KCNAB1: variants seen among roughly 807,000 people sequenced by gnomAD.
KCNAB1 encodes potassium voltage-gated channel subfamily A regulatory beta subunit 1.
In KCNAB1, 35 loss-of-function variants were observed where a neutral mutation model predicts 64.6. The observed-to-expected ratio is 0.54, with a 90% CI of 0.41 to 0.72. KCNAB1 has a LOEUF of 0.72. Ranked by LOEUF, KCNAB1 falls within the 30% of genes least tolerant of loss-of-function variation. The pLI, the probability that KCNAB1 is intolerant of heterozygous loss-of-function variation, is 0.00. For missense variants in KCNAB1, 401 were observed against 512.9 expected (o/e 0.78, Z 2.11); for synonymous variants, 177 against 183.8 (o/e 0.96, Z 0.30).
At chr3:156,384,176 T>C (rs1712391609) in intron 1 of KCNAB1, among the ~76,000 whole-genome samples, 1 of 152,222 alleles carries the variant, frequency 6.6e-6, no homozygotes, top group African/African-American at 2.4e-5. Context: ...AAATGGATAA[T>C]GGACAACTGA....
At chr3:156,463,400 G>C (rs929758068) in intron 5 of KCNAB1, among the ~76,000 whole-genome samples, 5 of 152,032 alleles carry the variant, frequency 3.3e-5, no homozygotes, top group Non-Finnish European at 7.4e-5. Context: ...CCTTTACTTT[G>C]CTATGTCGAC....
chr3:156,381,723 G>C (rs1187858963), intron 1 of KCNAB1, among the ~76,000 whole-genome samples: 1 of 152,188 alleles, frequency 6.6e-6, no homozygotes, highest in Non-Finnish European at 1.5e-5. Context: ...GAAACACAGG[G>C]AAGTGGTTCT....
intron 1 of KCNAB1, among the ~76,000 whole-genome samples, chr3:156,342,587 TTTTTTTTTTTTTTTTTTTTTAA>T (rs1724201258): frequency 2.4e-5 from 2 of 85,046 alleles, no homozygotes; most frequent in South Asian, 8.3e-4. Flanking sequence ...ATGTGTTTCT[TTTTTTTTTTTTTTTTTTTTTAA>T]TTTTTTTTTT....
chr3:156,375,287 T>C (rs1711576991), intron 1 of KCNAB1, among the ~76,000 whole-genome samples: 2 of 135,072 alleles, frequency 1.5e-5, no homozygotes, highest in South Asian at 4.4e-4. Flanking sequence ...CAGTCCTTCT[T>C]TGTAGAGTTT....
chr3:156,326,421 G>A (rs930418640), intron 1 of KCNAB1, among the ~76,000 whole-genome samples: 2 of 152,114 alleles, frequency 1.3e-5, no homozygotes, highest in African/African-American at 4.8e-5. Context: ...CAGGCCTGTA[G>A]GGAGGTGCCC....
intron 1 of KCNAB1, among the ~76,000 whole-genome samples, chr3:156,152,738 G>A (rs1715487730): frequency 1.3e-5 from 2 of 152,176 alleles, no homozygotes; most frequent in African/African-American, 4.8e-5. Context: ...CCTGCTTTTG[G>A]AATTTTACGG....
chr3:156,296,171 T>G (rs927917770), intron 1 of KCNAB1, among the ~76,000 whole-genome samples: 1 of 152,238 alleles, frequency 6.6e-6, no homozygotes, highest in African/African-American at 2.4e-5. Flanking sequence ...GGTATATACA[T>G]GAATCTTTCA....
At chr3:156,293,218 T>C (rs1413289624) in intron 1 of KCNAB1, among the ~76,000 whole-genome samples, 4 of 152,250 alleles carry the variant, frequency 2.6e-5, no homozygotes, top group Non-Finnish European at 4.4e-5. Context: ...TCTGACTTTA[T>C]TTCTTTAAAA....
chr3:156,495,494 G>T (rs1006984178), intron 8 of KCNAB1, among the ~76,000 whole-genome samples: 2 of 152,160 alleles, frequency 1.3e-5, no homozygotes, highest in East Asian at 3.9e-4. Context: ...ACCCACCAGT[G>T]ATAGACTTGA....
At chr3:156,352,369 C>T (rs1479519097) in intron 1 of KCNAB1, among the ~76,000 whole-genome samples, 3 of 152,234 alleles carry the variant, frequency 2.0e-5, no homozygotes, top group Non-Finnish European at 2.9e-5. Flanking sequence ...TTCCCATCAA[C>T]TCTGAAGGTG....
chr3:156,417,724 A>AG (rs922721550), intron 1 of KCNAB1, among the ~76,000 whole-genome samples: 1 of 152,138 alleles, frequency 6.6e-6, no homozygotes, highest in African/African-American at 2.4e-5. Flanking sequence ...TAAAAGAAAA[A>AG]AAAAAAAAGC....
chr3:156,309,015 T>C (rs1721700772), intron 1 of KCNAB1, among the ~76,000 whole-genome samples: 1 of 152,216 alleles, frequency 6.6e-6, no homozygotes, highest in African/African-American at 2.4e-5. Context: ...GGTCCATTAC[T>C]TATTTTTCTG....
intron 1 of KCNAB1, among the ~76,000 whole-genome samples, chr3:156,222,310 C>A (rs556385140): frequency 1.3e-5 from 2 of 152,200 alleles, no homozygotes; most frequent in South Asian, 4.1e-4. Context: ...AACTTTAAAG[C>A]AACATCAGTT....
At chr3:156,273,019 C>T (rs903073270) in intron 1 of KCNAB1, among the ~76,000 whole-genome samples, 36 of 151,928 alleles carry the variant, frequency 2.4e-4, no homozygotes, top group African/African-American at 7.3e-4. Flanking sequence ...AGCTAGGTCC[C>T]GGAAAGGGGG....
chr3:156,314,089 A>G (rs1360300053), intron 1 of KCNAB1, among the ~76,000 whole-genome samples: 1 of 152,240 alleles, frequency 6.6e-6, no homozygotes, highest in Non-Finnish European at 1.5e-5. Context: ...CTTATCTGCC[A>G]ATTCATTAGT....
intron 8 of KCNAB1, among the ~76,000 whole-genome samples, chr3:156,493,349 CTT>C (rs1012239260): frequency 6.6e-6 from 1 of 152,048 alleles, no homozygotes; most frequent in African/African-American, 2.4e-5. Flanking sequence ...TTACAGCATC[CTT>C]TTTCTTTTTT....
intron 1 of KCNAB1, among the ~76,000 whole-genome samples, chr3:156,279,163 G>A (rs531945992): frequency 3.6e-5 from 5 of 138,598 alleles, no homozygotes; most frequent in Non-Finnish European, 7.6e-5. Context: ...TCCCCTTCCT[G>A]TGTCCATGTG....
At position 156,474,717 on chromosome 3, in the gene KCNAB1, C is replaced by A; in HGVS notation, c.572-17C>A. On this transcript the variant is annotated splice_polypyrimidine_tract_variant and intron_variant, in intron 7 of 13. Coordinates refer to ENST00000490337, the MANE Select transcript of KCNAB1 (RefSeq NM_172160.3). The stretch of plus-strand genomic sequence containing the variant: ...CATATTTAGATTTTGGGGTTTGTTT[C>A]CTGCTTCTGCTCCCAGGATTGAAGG... 1 of 1,604,980 alleles carries A rather than the reference C, an allele frequency of 6.2e-7. No homozygotes were observed. Among genetic ancestry groups the A allele is most frequent in the Non-Finnish European group, 8.5e-7 (1 of 1,172,062 alleles).
At chr3:156,313,816 T>TGTTAAAGCAACAA (rs1406234604) in intron 1 of KCNAB1, among the ~76,000 whole-genome samples, 1 of 152,254 alleles carries the variant, frequency 6.6e-6, no homozygotes. Context: ...CCCGTCATCA[T>TGTTAAAGCAACAA]GTTAAAGCAT....
Sources: gnomAD v4.1 joint callset for allele counts (sites outside exome capture counted in the v4.1 genomes callset) on GRCh38, gnomAD v4.1.1 for gene constraint, MANE v1.5 for transcripts, NCBI Gene and HGNC (gene_info 2026-07-23, HGNC 2026-07-21) for gene names.